The following APLP1 variants were observed in gnomAD, a reference collection of about 807,000 sequenced individuals.
APLP1 encodes the protein amyloid beta (A4) precursor-like protein 1.
Under a neutral mutation model 84.5 loss-of-function variants are expected in APLP1, and 46 were observed. That is an observed-to-expected ratio of 0.54 (90% CI 0.43 to 0.70). The LOEUF is 0.70. Ranked by LOEUF, APLP1 falls within the 30% of genes least tolerant of loss-of-function variation. APLP1 has a pLI of 0.00. For synonymous variants in APLP1, 376 were observed against 364.0 expected (o/e 1.03, Z -0.38); for missense variants, 826 against 900.2 (o/e 0.92, Z 1.05).
intron 6 of APLP1, 73 bp from the exon 7 acceptor site, chr19:35,872,410 A>G (rs1415046765): frequency 6.4e-7 from 1 of 1,562,694 alleles, no homozygotes; most frequent in African/African-American, 1.4e-5. Context: ...ACTCTAGGAA[A>G]TGTGGTTCTC....
intron 16 of APLP1, 58 bp downstream of exon 16, chr19:35,879,275 G>T (rs1340492654): frequency 6.8e-6 from 11 of 1,608,664 alleles, no homozygotes; most frequent in Non-Finnish European, 8.5e-6. Flanking sequence ...GGTGTGGGCG[G>T]CCTGAGAGAC....
At chr19:35,875,676 G>A (rs1373957176) in intron 10 of APLP1, among the ~76,000 whole-genome samples, 1 of 152,192 alleles carries the variant, frequency 6.6e-6, no homozygotes, top group Non-Finnish European at 1.5e-5. Context: ...GGCCAGGCTG[G>A]TCTTGAACTC....
rs770025270 is a variant in APLP1 at position 35,872,508 on chromosome 19, C to T, written c.876C>T (p.Asp292=). 2.2e-5 allele frequency: 35 copies of T among 1,613,460 alleles called. No individual in the cohort carries two copies. The highest frequency in any genetic ancestry group is 1.7e-4 in the Middle Eastern group (1 of 5,882). Residue 292 remains aspartate (D), a synonymous_variant, in exon 7 of 17, where the codon GAC becomes GAT. Coordinates refer to ENST00000221891, the MANE Select transcript of APLP1 (RefSeq NM_001024807.3). ...GKVTPTPRPT[D]GVDIYFGMPG... ...TCACTCCCACCCCGAGGCCCACAGA[C>T]GGTGTGGATATTTACTTTGGCATGC...
chr19:35,871,369 C>T lies in APLP1; in HGVS notation c.537+20C>T, dbSNP rs368880632. On this transcript the variant is annotated intron_variant, in intron 4 of 16. Coordinates refer to ENST00000221891, the MANE Select transcript of APLP1 (RefSeq NM_001024807.3). Reference sequence around the variant, plus strand: ...CAGGAGGTCAGGACGTTGGCCCACCCGTCCCCAGCCCCCACAACCCAGGAA... The same window carrying T: ...CAGGAGGTCAGGACGTTGGCCCACCTGTCCCCAGCCCCCACAACCCAGGAA... 1.5e-5 allele frequency: 23 copies of T among 1,582,000 alleles called. No individual in the cohort carries two copies. The Middle Eastern group carries it at 5.1e-4, about 35-fold the overall frequency.
In APLP1 at chr19:35,874,396, C is replaced by A. The variant is rs541869519; in HGVS notation, c.1057-108C>A. On this transcript the variant is annotated intron_variant, in intron 8 of 16. Transcript: ENST00000221891. The surrounding 1 kb of genome is among the most constrained non-coding windows in gnomAD (Gnocchi z 6.4). ...ACCTTTGGTTCTGCCCAGGCCTGGA[C>A]CCCTGGAACGCCCCCCAACCCCATG... 171 of 1,375,014 alleles carry A rather than the reference C, an allele frequency of 1.2e-4. 1 individual carries two copies. In the East Asian group the frequency reaches 3.3e-3, roughly 27 times the overall value. 85.2% of individuals were successfully genotyped at this position (1,375,014 alleles called of 1,614,324 possible). A position where few individuals can be genotyped will look rare whatever the true frequency, so the allele number is the denominator to read the frequency against.
At chr19:35,869,403 C>T in intron 1 of APLP1, 1 of 638,864 alleles carries the variant, frequency 1.6e-6, no homozygotes, top group Non-Finnish European at 2.7e-6. Context: ...AGAGCGGCTG[C>T]GCTGGGGTGG....
At chr19:35,872,860 C>A (rs898884585) in intron 7 of APLP1, among the ~76,000 whole-genome samples, 1 of 133,550 alleles carries the variant, frequency 7.5e-6, no homozygotes. Context: ...TTTTTTTTTT[C>A]TTTTGTTGTT....
rs540738922 is a variant in APLP1, at chr19:35,869,611, G to C, written c.148-56G>C. The C allele has an allele frequency of 1.1e-5, 17 of 1,601,248 alleles. 1 individual carries two copies. In the Admixed American group the frequency reaches 2.1e-4, roughly 20 times the overall value. On this transcript the variant is annotated intron_variant, in intron 1 of 16. Coordinates refer to ENST00000221891, the MANE Select transcript of APLP1 (RefSeq NM_001024807.3). ...TCGGTCCTAGGGAGCAAAGAACCAGGGGACCCTCATGCCAACGCCCCCCGA... is the reference window on the plus strand; with the variant it reads ...TCGGTCCTAGGGAGCAAAGAACCAGCGGACCCTCATGCCAACGCCCCCCGA...
chr19:35,870,239 G>C (rs1011707781), intron 2 of APLP1: 6 of 214,744 alleles, frequency 2.8e-5, no homozygotes, highest in Non-Finnish European at 4.6e-5. Flanking sequence ...AAAAGGCGGG[G>C]CCTAAAGGAG....
chr19:35,871,082 G>A (rs572691220), intron 3 of APLP1, 54 bp downstream of exon 3: 5 of 1,502,778 alleles, frequency 3.3e-6, no homozygotes, highest in African/African-American at 1.4e-5. Context: ...GAGGGGCAAG[G>A]TTCTGAGCCC....
rs959252178 is a variant in APLP1, at chr19:35,879,732, C to T, written c.*291C>T. 7.6e-5 allele frequency: 30 copies of T among 393,554 alleles called. No individual in the cohort carries two copies. The highest frequency in any genetic ancestry group is 2.9e-4 in the African/African-American group (14 of 47,774). 24.4% of individuals were successfully genotyped at this position (393,554 alleles called of 1,614,324 possible). A position where few individuals can be genotyped will look rare whatever the true frequency, so the allele number is the denominator to read the frequency against. Reference sequence around the variant, plus strand: ...GCCACCTTGGTCCTAGTGTCTATTCCCTGGAATTCACCCTCTCATGTTTCC... The same window carrying T: ...GCCACCTTGGTCCTAGTGTCTATTCTCTGGAATTCACCCTCTCATGTTTCC... On this transcript the variant is annotated 3_prime_UTR_variant, in exon 17 of 17. Coordinates refer to ENST00000221891, the MANE Select transcript of APLP1 (RefSeq NM_001024807.3).
At chr19:35,875,683 AC>A (rs1299743162) in intron 10 of APLP1, among the ~76,000 whole-genome samples, 2 of 150,814 alleles carry the variant, frequency 1.3e-5, no homozygotes, top group Non-Finnish European at 3.0e-5. Context: ...CTGGTCTTGA[AC>A]TCCTGACCTC....
Position 35,869,795 on chromosome 19 carries a change from G to A in APLP1, c.276G>A (p.Leu92=), listed in dbSNP as rs761266532. 3 of 1,599,522 alleles carry A rather than the reference G, an allele frequency of 1.9e-6. No individual in the cohort carries two copies. Among genetic ancestry groups the A allele is most frequent in the Non-Finnish European group, 2.6e-6 (3 of 1,174,372 alleles). Residue 92 remains leucine (L), a synonymous_variant, in exon 2 of 17, where the codon CTG becomes CTA. Transcript: ENST00000221891. ...GTCTCCGGGACCCGCAGCGCGTGCT[G>A]GAGTACTGCAGACAGGTGGGCGGGG... ...RRCLRDPQRV[L]EYCRQMYPEL...
intron 6 of APLP1, 104 bp downstream of exon 6, chr19:35,872,140 G>A: frequency 7.3e-7 from 1 of 1,361,238 alleles, no homozygotes; most frequent in Non-Finnish European, 1.0e-6. Context: ...TAGGGGAAAG[G>A]CCCAACTGAG....
rs537200194 is a variant in APLP1, at chr19:35,874,252, G to T, written c.1057-252G>T. Among the ~76,000 whole-genome samples the T allele has an allele frequency of 7.2e-5, 11 of 152,286 alleles. No individual in the cohort carries two copies. The highest frequency in any genetic ancestry group is 2.6e-4 in the African/African-American group (11 of 41,566). Reference sequence around the variant, plus strand: ...GTCCCTTTCACCTTAACATTGGTCAGTTCTGCTCCCAGATTGCTCCCACTC... The same window carrying T: ...GTCCCTTTCACCTTAACATTGGTCATTTCTGCTCCCAGATTGCTCCCACTC... On this transcript the variant is annotated intron_variant, in intron 8 of 16. Transcript: ENST00000221891. This position sits in a 1 kb window ranked among gnomAD's most constrained non-coding sequence, Gnocchi z 6.4.
rs1974372624 is a variant in APLP1 at position 35,879,586 on chromosome 19, C to T, written c.*145C>T. 4.3e-6 allele frequency: 3 copies of T among 691,422 alleles called. No homozygotes were observed. The highest frequency in any genetic ancestry group is 7.1e-6 in the Non-Finnish European group (3 of 422,638). 42.8% of individuals were successfully genotyped at this position (691,422 alleles called of 1,614,324 possible). ...TGAGACGGCTGGAAATTCTTATTTC[C>T]CCTTTCCAATTCCAAAATTCCATCC... On this transcript the variant is annotated 3_prime_UTR_variant, in exon 17 of 17. Transcript: ENST00000221891.
Position 35,869,735 on chromosome 19 carries a change from C to A in APLP1, c.216C>A (p.Gly72=), listed in dbSNP as rs137921081. ...CCCTTCACCGGGACCTGCGCACCGGCCGCTGGGAACCAGACCCACAGCGCT... is the reference window on the plus strand; with the variant it reads ...CCCTTCACCGGGACCTGCGCACCGGACGCTGGGAACCAGACCCACAGCGCT... ...RLTLHRDLRT[G]RWEPDPQRSR... The change falls in exon 2 of 17, where the codon GGC becomes GGA. Residue 72 remains glycine (G), a synonymous_variant. Transcript: ENST00000221891. 654 of 1,610,756 alleles carry A rather than the reference C, an allele frequency of 4.1e-4. No homozygotes were observed. The highest frequency in any genetic ancestry group is 5.2e-4 in the Admixed American group (31 of 59,802).
In APLP1 at chr19:35,879,196, T is replaced by C. The variant is rs1227372360; in HGVS notation, c.1836T>C (p.Ala612=). ...TGCGCAGGAAGAAGCCCTACGGGGC[T>C]ATCAGCCATGGCGTGGTGGAGGTGA... is the stretch of plus-strand genomic sequence containing the variant. ...LLLRRKKPYG[A]ISHGVVEVDP... Residue 612 remains alanine, a synonymous_variant, in exon 16 of 17, where the codon GCT becomes GCC. Transcript: ENST00000221891. 6.2e-7 allele frequency: 1 copy of C among 1,612,960 alleles called. No individual in the cohort carries two copies. The highest frequency in any genetic ancestry group is 1.3e-5 in the African/African-American group (1 of 74,912).
chr19:35,872,021 G>C lies in APLP1; in HGVS notation c.835G>C (p.Ala279Pro). The change falls in exon 6 of 17, where the codon GCA becomes CCA. Residue 279 changes from alanine to proline, a missense_variant. Coordinates refer to ENST00000221891, the MANE Select transcript of APLP1 (RefSeq NM_001024807.3). Reference sequence around the variant, plus strand: ...CCCACCCCCAAGCTCCCATACACTTGCAGTGGTCGGCAAAGGTGAGGCAGT... The same window carrying C: ...CCCACCCCCAAGCTCCCATACACTTCCAGTGGTCGGCAAAGGTGAGGCAGT... Reference protein sequence around the residue: ...TVPPPSSHTLAVVGKVTPTPR... With the variant: ...TVPPPSSHTLPVVGKVTPTPR... The C allele has an allele frequency of 6.2e-7, 1 of 1,613,872 alleles. No individual in the cohort carries two copies. The highest frequency in any genetic ancestry group is 8.5e-7 in the Non-Finnish European group (1 of 1,179,864).
Sources: gnomAD v4.1 joint callset for allele counts (sites outside exome capture counted in the v4.1 genomes callset) on GRCh38, gnomAD v4.1.1 for gene constraint, Gnocchi (gnomAD v3.1) non-coding constraint, MANE v1.5 for transcripts, NCBI Gene and HGNC (gene_info 2026-07-23, HGNC 2026-07-21) for gene names.